The following FOCAD variants were observed in gnomAD, a reference collection of about 807,000 sequenced individuals.
The protein encoded by FOCAD is focadhesin.
FOCAD carries 198 observed loss-of-function variants against 225.6 expected under a neutral mutation model. That is an observed-to-expected ratio of 0.88 (90% confidence interval 0.78 to 0.99). The LOEUF is 0.99. Among genes scored for constraint, FOCAD ranks in the 50% least tolerant of loss-of-function variants. The pLI is 0.00. For synonymous variants in FOCAD, 897 were observed against 755.0 expected, an observed-to-expected ratio of 1.19 and a Z score of -3.08; for missense variants, 2,713 against 2,123.6, an observed-to-expected ratio of 1.28 and a Z score of -5.46.
intron 5 of FOCAD, among the ~76,000 whole-genome samples, chr9:20,744,047 C>T (rs1036234456): frequency 6.6e-6 from 1 of 152,100 alleles, no homozygotes; most frequent in African/African-American, 2.4e-5. Flanking sequence ...CCAAAGAGAG[C>T]AAGCCAACTT....
chr9:20,948,915 G>C lies in FOCAD; in HGVS notation c.3863G>C (p.Gly1288Ala). Reference sequence around the variant, plus strand: ...ATGGTGGCCTTGGTAGGCTCTGAAGGGGATGTAATGCAGGTAAAGAAAGGA... The same window carrying C: ...ATGGTGGCCTTGGTAGGCTCTGAAGCGGATGTAATGCAGGTAAAGAAAGGA... ...HGMVALVGSE[G>A]DVMQLKSEAI... The change falls in exon 32 of 44, where the codon GGG (glycine) becomes GCG (alanine). Residue 1288 changes from glycine (G) to alanine (A), a missense_variant. By Grantham distance (60) the Gly-to-Ala change is moderately conservative. Coordinates refer to ENST00000338382, the MANE Select transcript of FOCAD (RefSeq NM_001375567.1). 1 of 1,613,470 alleles carries C rather than the reference G, an allele frequency of 6.2e-7. No homozygotes were observed. The highest frequency in any genetic ancestry group is 8.5e-7 in the Non-Finnish European group (1 of 1,179,496).
chr9:20,994,192 C>G (rs1036348483), intron 43 of FOCAD, among the ~76,000 whole-genome samples: 1 of 152,214 alleles, frequency 6.6e-6, no homozygotes, highest in African/African-American at 2.4e-5. Context: ...TACTTTCAGG[C>G]ATTTAAATGA....
intron 5 of FOCAD, among the ~76,000 whole-genome samples, chr9:20,752,236 G>A (rs1403335348): frequency 6.6e-6 from 1 of 151,824 alleles, no homozygotes; most frequent in Non-Finnish European, 1.5e-5. Context: ...CCTTGCCCAT[G>A]CCTATGTCCT....
chr9:20,940,715 A>G (rs1467282807), intron 28 of FOCAD, among the ~76,000 whole-genome samples: 1 of 152,238 alleles, frequency 6.6e-6, no homozygotes, highest in Non-Finnish European at 1.5e-5. Context: ...TGAAGTAGGA[A>G]TCATCATCAC....
chr9:20,667,969 A>G (rs1473880564), intron 2 of FOCAD, among the ~76,000 whole-genome samples: 1 of 152,224 alleles, frequency 6.6e-6, no homozygotes, highest in East Asian at 1.9e-4. Context: ...AAAAGGTTTA[A>G]GCGTGTTTGG....
At chr9:20,803,213 G>A (rs1822034119) in intron 11 of FOCAD, among the ~76,000 whole-genome samples, 1 of 152,096 alleles carries the variant, frequency 6.6e-6, no homozygotes, top group Non-Finnish European at 1.5e-5. Flanking sequence ...GTGAAAAGAA[G>A]AGGGAGGATT....
At chr9:20,809,072 GT>G (rs1822768938) in intron 11 of FOCAD, among the ~76,000 whole-genome samples, 1 of 152,140 alleles carries the variant, frequency 6.6e-6, no homozygotes. Context: ...TTATCAAGAT[GT>G]TATGGCCATT....
intron 7 of FOCAD, among the ~76,000 whole-genome samples, chr9:20,767,510 C>T (rs371839962): frequency 3.3e-4 from 50 of 151,588 alleles, no homozygotes; most frequent in East Asian, 9.7e-4. Context: ...TTTTAATGAT[C>T]GCCATTCTAA....
chr9:20,736,116 G>C (rs993250290), intron 4 of FOCAD, among the ~76,000 whole-genome samples: 1 of 152,102 alleles, frequency 6.6e-6, no homozygotes, highest in African/African-American at 2.4e-5. Flanking sequence ...GCTTCATTCA[G>C]TTTTGTTGTT....
At chr9:20,874,858 T>G (rs748571751) in intron 19 of FOCAD, 51 bp downstream of exon 19, 1 of 1,607,336 alleles carries the variant, frequency 6.2e-7, no homozygotes, top group Admixed American at 1.7e-5. Context: ...TGGTTCGATT[T>G]GTCTGATTGT....
At chr9:20,797,197 C>T (rs1217046399) in intron 11 of FOCAD, among the ~76,000 whole-genome samples, 1 of 152,130 alleles carries the variant, frequency 6.6e-6, no homozygotes, top group African/African-American at 2.4e-5. Context: ...GGTACCAGTA[C>T]CATGCTGTTT....
At chr9:20,986,266 A>AGTTTTTTTTTTTTTTTTTTTT in intron 39 of FOCAD, 22 bp from the exon 40 acceptor site, 1 of 705,686 alleles carries the variant, frequency 1.4e-6, no homozygotes. Flanking sequence ...TAACTAAACA[A>AGTTTTTTTTTTTTTTTTTTTT]TTTTTTTTTT....
chr9:20,888,856 G>C (rs1831357611), intron 21 of FOCAD, among the ~76,000 whole-genome samples: 1 of 152,044 alleles, frequency 6.6e-6, no homozygotes, highest in South Asian at 2.1e-4. Context: ...CTTGCTTTCT[G>C]CCATGATTTT....
Position 20,671,981 on chromosome 9 carries a change from GT to G in FOCAD, c.-78+13170del, listed in dbSNP as rs79845693. Among the ~76,000 whole-genome samples, 191 of 142,064 alleles carry G rather than the reference GT, an allele frequency of 1.3e-3. 2 individuals are homozygous for G. The highest frequency in any genetic ancestry group is 2.9e-3 in the South Asian group (13 of 4,462). The allele number at this position is 142,064 out of a possible 152,430, so 93.2% of individuals were successfully genotyped here. Reference sequence around the variant, plus strand: ...ACCACAGAAATCAGCAACCGTTGTAGTTTTTTTTTTTTTTTCCTCCCTGGAG... The same window carrying G: ...ACCACAGAAATCAGCAACCGTTGTAGTTTTTTTTTTTTTTCCTCCCTGGAG... On this transcript the variant is annotated intron_variant, in intron 2 of 45. Transcript: ENST00000380249.
intron 1 of FOCAD, among the ~76,000 whole-genome samples, chr9:20,697,662 T>C (rs1823486654): frequency 6.6e-6 from 1 of 152,292 alleles, no homozygotes; most frequent in Non-Finnish European, 1.5e-5. Context: ...TAAAGACCTC[T>C]CTAAAATTTA....
rs141111974 is a variant in FOCAD, at chr9:20,923,718, G to A, written c.2911G>A (p.Val971Ile). 13 of 1,613,886 alleles carry A rather than the reference G, an allele frequency of 8.1e-6. No individual in the cohort carries two copies. Among genetic ancestry groups the A allele is most frequent in the Middle Eastern group, 1.6e-4 (1 of 6,074 alleles). The stretch of plus-strand genomic sequence containing the variant: ...AGCTCTAAGCAGCCTTGCTGTCGTC[G>A]TATCTAGACATGAAGCCAGCCTCTC... ...LLALSSLAVV[V>I]SRHEASLSSD... Residue 971 changes from valine (V) to isoleucine (I), a missense_variant, in exon 25 of 44, where the codon GTA (valine) becomes ATA (isoleucine). By Grantham distance (29) the Val-to-Ile change is conservative. Coordinates refer to ENST00000338382, the MANE Select transcript of FOCAD (RefSeq NM_001375567.1).
intron 2 of FOCAD, among the ~76,000 whole-genome samples, chr9:20,677,129 G>A (rs910467871): frequency 1.3e-5 from 2 of 152,084 alleles, no homozygotes; most frequent in African/African-American, 2.4e-5. Flanking sequence ...CACAAGGATC[G>A]ACTCTTTATT....
intron 29 of FOCAD, among the ~76,000 whole-genome samples, chr9:20,945,368 C>T (rs1398762780): frequency 1.3e-5 from 2 of 152,144 alleles, no homozygotes; most frequent in African/African-American, 4.8e-5. Context: ...GAAGCTGGAC[C>T]GCTTGTACTC....
chr9:20,943,509 G>C (rs944979621), intron 28 of FOCAD, among the ~76,000 whole-genome samples: 16 of 152,114 alleles, frequency 1.1e-4, no homozygotes, highest in African/African-American at 3.9e-4. Context: ...GTGTGACCTT[G>C]AGCAAATCCT....
Sources: gnomAD v4.1 joint callset for allele counts (sites outside exome capture counted in the v4.1 genomes callset) on GRCh38, gnomAD v4.1.1 for gene constraint, MANE v1.5 for transcripts, NCBI Gene and HGNC (gene_info 2026-07-23, HGNC 2026-07-21) for gene names.